Variants in CCDC169 observed in about 807,000 individuals in gnomAD.
CCDC169 encodes the protein coiled-coil domain containing 169.
A neutral mutation model predicts 36.0 loss-of-function variants in CCDC169; 30 were observed. The ratio of observed to expected loss-of-function variants is 0.83; its 90% CI spans 0.62 to 1.13. The LOEUF (loss-of-function observed/expected upper bound fraction) is 1.13, where lower values mean the gene tolerates loss of function less well. Ranked by LOEUF, CCDC169 falls within the 50% of genes most tolerant of loss-of-function variation. The probability of loss-of-function intolerance (pLI) is 0.00; values close to 1 mark genes in which losing one functional copy is unlikely to be tolerated. For missense variants in CCDC169, 245 were observed against 245.9 expected, an observed-to-expected ratio of 1.00 and a Z score of 0.03; for synonymous variants, 85 against 81.5, an observed-to-expected ratio of 1.04 and a Z score of -0.23.
At chr13:36,283,276 A>G (rs1382134220) in intron 4 of CCDC169, 193 bp downstream of exon 4, 3 of 609,412 alleles carry the variant, frequency 4.9e-6, no homozygotes, top group Non-Finnish European at 8.6e-6. Flanking sequence ...GACACCTGTG[A>G]ATATAGCTGG....
intron 7 of CCDC169, among the ~76,000 whole-genome samples, chr13:36,238,980 C>G (rs192241990): frequency 6.6e-6 from 1 of 152,100 alleles, no homozygotes; most frequent in Non-Finnish European, 1.5e-5. Context: ...CCTGTAATCC[C>G]AGCACTTTAG....
chr13:36,291,989 CT>C (rs35326800), intron 2 of CCDC169, among the ~76,000 whole-genome samples: 33,784 of 134,640 alleles, frequency 0.25, 3,910 homozygotes, highest in East Asian at 0.47. Context: ...AATAAGTCTT[CT>C]TTTTTTTTTT....
chr13:36,261,718 C>T (rs1874634055), intron 4 of CCDC169, among the ~76,000 whole-genome samples: 2 of 152,068 alleles, frequency 1.3e-5, no homozygotes, highest in African/African-American at 4.8e-5. Flanking sequence ...CAAAGAAAAC[C>T]CACACTACCA....
intron 2 of CCDC169, among the ~76,000 whole-genome samples, chr13:36,291,311 G>C (rs921802216): frequency 1.2e-5 from 1 of 85,280 alleles, no homozygotes; most frequent in African/African-American, 3.7e-5. Flanking sequence ...TTTTATTCTA[G>C]AGTTTCCTGT....
chr13:36,266,397 C>T (rs1319957053), intron 4 of CCDC169, among the ~76,000 whole-genome samples: 3 of 152,106 alleles, frequency 2.0e-5, no homozygotes, highest in African/African-American at 7.2e-5. Context: ...CCAGAGGGTT[C>T]AGGTAGACTT....
chr13:36,242,193 A>G (rs1925839), intron 7 of CCDC169, among the ~76,000 whole-genome samples: 61,656 of 152,100 alleles, frequency 0.41, 13,270 homozygotes, highest in Non-Finnish European at 0.48. Flanking sequence ...ACAATATTCC[A>G]AAGTGGTTAT....
chr13:36,276,858 T>C (rs1876890583), intron 4 of CCDC169, among the ~76,000 whole-genome samples: 1 of 152,294 alleles, frequency 6.6e-6, no homozygotes, highest in Non-Finnish European at 1.5e-5. Context: ...CTATATCTGT[T>C]GATCTTAAGT....
At chr13:36,294,245 G>C (rs1192947080) in intron 2 of CCDC169, among the ~76,000 whole-genome samples, 1 of 152,052 alleles carries the variant, frequency 6.6e-6, no homozygotes, top group Admixed American at 6.6e-5. Context: ...ACAACTTGTT[G>C]AGCCACATTT....
At chr13:36,237,029 T>C (rs756290732) in intron 7 of CCDC169, among the ~76,000 whole-genome samples, 3 of 151,898 alleles carry the variant, frequency 2.0e-5, no homozygotes, top group Non-Finnish European at 4.4e-5. Context: ...TAAATAGATG[T>C]TATACTTTGT....
At chr13:36,245,553 C>T (rs1220348072) in intron 7 of CCDC169, among the ~76,000 whole-genome samples, 1 of 152,130 alleles carries the variant, frequency 6.6e-6, no homozygotes, top group East Asian at 1.9e-4. Context: ...CCGCCTCAGC[C>T]TCCCAAAATG....
At chr13:36,251,693 A>G (rs1263561891) in intron 6 of CCDC169, among the ~76,000 whole-genome samples, 1 of 152,140 alleles carries the variant, frequency 6.6e-6, no homozygotes, top group Admixed American at 6.5e-5. Context: ...TCTTTGTGAA[A>G]GGGAATAGAA....
downstream of CCDC169, chr13:36,225,140 T>C (rs1005916086): frequency 6.6e-6 from 1 of 151,768 alleles, no homozygotes; most frequent in Admixed American, 6.6e-5. Flanking sequence ...AAAAATTACC[T>C]CAAGATGAAT....
rs1432874040 is a variant in CCDC169, at chr13:36,238,193, G to GA, written c.546-6902dup. ...TTTTTGGGGTGATGAAAATGTTCTG[G>GA]AATCAGTTAGTGGTGATGCTTGCAT... On this transcript the variant is annotated intron_variant, in intron 7 of 7. Transcript: ENST00000239859. Among the ~76,000 whole-genome samples the GA allele has an allele frequency of 2.0e-5, 3 of 152,174 alleles. No individual in the cohort carries two copies. The East Asian group carries it at 5.8e-4, about 29-fold the overall frequency.
intron 4 of CCDC169, among the ~76,000 whole-genome samples, chr13:36,273,503 C>T (rs1876372318): frequency 6.6e-6 from 1 of 152,094 alleles, no homozygotes; most frequent in Non-Finnish European, 1.5e-5. Context: ...TTACTAGCTT[C>T]ACAAGCAAAA....
chr13:36,294,751 AGATT>A (rs1253831692), intron 2 of CCDC169, among the ~76,000 whole-genome samples: 5 of 152,034 alleles, frequency 3.3e-5, no homozygotes, highest in Non-Finnish European at 5.9e-5. Context: ...GAGAGGGTTG[AGATT>A]GATTGAGCAA....
At chr13:36,292,217 C>A (rs1878987939) in intron 2 of CCDC169, among the ~76,000 whole-genome samples, 1 of 152,118 alleles carries the variant, frequency 6.6e-6, no homozygotes, top group African/African-American at 2.4e-5. Flanking sequence ...TGGTCTCGAA[C>A]TTCTGACCTC....
chr13:36,285,175 G>C (rs1416329758), intron 2 of CCDC169, among the ~76,000 whole-genome samples: 1 of 152,126 alleles, frequency 6.6e-6, no homozygotes, highest in East Asian at 1.9e-4. Flanking sequence ...GCACATCTGA[G>C]TACAGTTTAT....
intron 7 of CCDC169, among the ~76,000 whole-genome samples, chr13:36,248,340 T>C (rs1377052916): frequency 6.6e-6 from 1 of 151,972 alleles, no homozygotes; most frequent in Non-Finnish European, 1.5e-5. Context: ...TAAGTTCTCC[T>C]AGGTACATAT....
At chr13:36,253,300 A>G (rs9575667) in intron 6 of CCDC169, among the ~76,000 whole-genome samples, 61,475 of 151,796 alleles carry the variant, frequency 0.4, 13,248 homozygotes, top group Non-Finnish European at 0.48. Flanking sequence ...CAAATACAAA[A>G]AATAACCTCT....
Sources: gnomAD v4.1 joint callset for allele counts (sites outside exome capture counted in the v4.1 genomes callset) on GRCh38, gnomAD v4.1.1 for gene constraint, MANE v1.5 for transcripts, NCBI Gene and HGNC (gene_info 2026-07-23, HGNC 2026-07-21) for gene names.